The following VRK2 variants were observed in gnomAD, a reference collection of about 807,000 sequenced individuals.
VRK2 encodes the protein serine/threonine-protein kinase VRK2.
VRK2 carries 60 observed loss-of-function variants against 57.6 expected under a neutral mutation model. The ratio of observed to expected loss-of-function variants is 1.04; its 90% CI spans 0.85 to 1.29. The LOEUF is 1.29. Ranked by LOEUF, VRK2 falls within the 50% of genes most tolerant of loss-of-function variation. VRK2 has a pLI of 0.00. For missense variants in VRK2, 705 were observed against 588.1 expected (o/e 1.20, Z -2.06); for synonymous variants, 231 against 199.2 (o/e 1.16, Z -1.35).
At chr2:58,021,934 C>A (rs1418291057) in intron 1 of VRK2, among the ~76,000 whole-genome samples, 1 of 152,188 alleles carries the variant, frequency 6.6e-6, no homozygotes, top group Non-Finnish European at 1.5e-5. Context: ...ATACTTCATA[C>A]CCTGTTTAGG....
At chr2:57,934,590 T>C (rs1670843232) in intron 1 of VRK2, among the ~76,000 whole-genome samples, 1 of 152,214 alleles carries the variant, frequency 6.6e-6, no homozygotes, top group South Asian at 2.1e-4. Context: ...TTGAGCTTCA[T>C]GCACCTAGGT....
At chr2:58,057,269 A>G (rs935652997) in intron 2 of VRK2, among the ~76,000 whole-genome samples, 1 of 152,146 alleles carries the variant, frequency 6.6e-6, no homozygotes, top group Admixed American at 6.6e-5. Context: ...CCTATATGTG[A>G]CCTGCGTGTA....
At chr2:58,146,224 T>C in intron 11 of VRK2, 92 bp from the exon 12 acceptor site, 2 of 1,151,340 alleles carry the variant, frequency 1.7e-6, no homozygotes, top group Non-Finnish European at 2.3e-6. Flanking sequence ...GCTTGGCAAG[T>C]TTAGAGCTTT....
intron 1 of VRK2, among the ~76,000 whole-genome samples, chr2:57,966,276 A>G (rs1671913967): frequency 6.6e-6 from 1 of 152,210 alleles, no homozygotes; most frequent in African/African-American, 2.4e-5. Flanking sequence ...GTTGCAGCTG[A>G]GGAATACAGG....
chr2:58,144,217 T>A (rs906426555), intron 11 of VRK2, among the ~76,000 whole-genome samples: 6 of 151,856 alleles, frequency 4.0e-5, no homozygotes, highest in Non-Finnish European at 1.5e-5. Context: ...AAGCAGAGCA[T>A]AGAACAGTAT....
rs377313037 is a variant in VRK2, at chr2:58,146,407, C to A, written c.1115C>A (p.Ser372Tyr). The change falls in exon 12 of 13, where the codon TCC becomes TAC. Residue 372 changes from serine (S) to tyrosine (Y), a missense_variant. Physicochemically the swap from Ser to Tyr is moderately radical, Grantham distance 144. Transcript: ENST00000340157. ...GTCCACAGTGAGAGAAGCGCTGAGT[C>A]CTGTGCAACATGGAAAGTGCAGAAA... ...KKVHSERSAESCATWKVQKEE... is the reference protein window; with the variant it reads ...KKVHSERSAEYCATWKVQKEE... 10 of 1,611,688 alleles carry A rather than the reference C, an allele frequency of 6.2e-6. No homozygotes were observed. The African/African-American group carries it at 1.3e-4, about 22-fold the overall frequency.
chr2:57,982,003 C>T (rs994474531), intron 1 of VRK2, among the ~76,000 whole-genome samples: 7 of 152,226 alleles, frequency 4.6e-5, no homozygotes, highest in Non-Finnish European at 1.0e-4. Context: ...TCCGTCTCAT[C>T]TGTGTGGGCT....
chr2:58,115,000 A>G (rs1676210000), intron 7 of VRK2, among the ~76,000 whole-genome samples: 1 of 152,074 alleles, frequency 6.6e-6, no homozygotes, highest in African/African-American at 2.4e-5. Context: ...GGCCTGAATA[A>G]TCCCTGAGGA....
intron 10 of VRK2, among the ~76,000 whole-genome samples, chr2:58,136,392 T>G (rs1680013500): frequency 6.6e-6 from 1 of 151,926 alleles, no homozygotes; most frequent in African/African-American, 2.4e-5. Flanking sequence ...AATGGCATTT[T>G]TTTTTTTTTT....
intron 1 of VRK2, among the ~76,000 whole-genome samples, chr2:57,944,085 A>C (rs1518393): frequency 0.68 from 102,848 of 151,726 alleles, 35,772 homozygotes; most frequent in African/African-American, 0.85. Flanking sequence ...ACAACAACAA[A>C]AAAAAACCTT....
At chr2:58,085,973 G>C (rs1671570893) in intron 4 of VRK2, among the ~76,000 whole-genome samples, 1 of 140,214 alleles carries the variant, frequency 7.1e-6, no homozygotes, top group South Asian at 2.2e-4. Flanking sequence ...AAATCTTGAA[G>C]TAATAGGGAA....
At chr2:57,937,196 G>C (rs1670941894) in intron 1 of VRK2, among the ~76,000 whole-genome samples, 1 of 152,172 alleles carries the variant, frequency 6.6e-6, no homozygotes, top group Admixed American at 6.6e-5. Context: ...TAATTACAAA[G>C]ACATAAAGTA....
At chr2:58,026,889 C>CT (rs112267313) in intron 2 of VRK2, 13,055 of 141,794 alleles carry the variant, frequency 0.092, 598 homozygotes, top group East Asian at 0.11. Context: ...TTTTTCTTTT[C>CT]TTTTTTTTTT....
chr2:58,133,739 T>G (rs1188339333), intron 9 of VRK2, among the ~76,000 whole-genome samples: 3 of 152,184 alleles, frequency 2.0e-5, no homozygotes, highest in African/African-American at 7.2e-5. Context: ...TTTTAGATTT[T>G]GGAATATTTG....
chr2:58,058,105 C>G (rs1243947567), intron 2 of VRK2, among the ~76,000 whole-genome samples: 1 of 151,980 alleles, frequency 6.6e-6, no homozygotes, highest in Admixed American at 6.6e-5. Context: ...TTGACTAGCT[C>G]AGAATAGAAC....
At chr2:58,147,530 A>G (rs1338735371) in intron 12 of VRK2, among the ~76,000 whole-genome samples, 1 of 151,900 alleles carries the variant, frequency 6.6e-6, no homozygotes, top group African/African-American at 2.4e-5. Context: ...GTCCACCAAA[A>G]TCACCTGGTG....
intron 1 of VRK2, among the ~76,000 whole-genome samples, chr2:57,988,128 T>C (rs60748064): frequency 0.045 from 6,881 of 152,148 alleles, 202 homozygotes; most frequent in East Asian, 0.1. Flanking sequence ...TGCAGGACTG[T>C]ATAAAAAAAG....
At chr2:58,063,788 G>C (rs1668242507) in intron 2 of VRK2, among the ~76,000 whole-genome samples, 2 of 152,070 alleles carry the variant, frequency 1.3e-5, no homozygotes, top group Admixed American at 1.3e-4. Flanking sequence ...TGATTCCTCA[G>C]ATGGATCTGG....
chr2:57,926,946 C>A (rs927838577), intron 1 of VRK2, among the ~76,000 whole-genome samples: 19 of 146,036 alleles, frequency 1.3e-4, no homozygotes, highest in Non-Finnish European at 1.8e-4. Context: ...TTCCTTTCTT[C>A]CTGTCTTCCT....
Sources: allele counts gnomAD v4.1 joint callset (sites outside exome capture counted in the v4.1 genomes callset), GRCh38; gene constraint gnomAD v4.1.1; transcripts MANE v1.5; gene names NCBI Gene and HGNC (gene_info 2026-07-23, HGNC 2026-07-21).